The following GPC5 variants were observed in gnomAD, a reference collection of about 807,000 sequenced individuals.
The protein encoded by GPC5 is glypican-5.
In GPC5, 47 loss-of-function variants were observed where a neutral mutation model predicts 53.9. That is an observed-to-expected ratio of 0.87 (90% CI 0.69 to 1.11). The LOEUF (loss-of-function observed/expected upper bound fraction) is 1.11. GPC5 is among the 50% of genes most tolerant of loss of function. The probability of loss-of-function intolerance (pLI) is 0.00; values close to 1 mark genes in which losing one functional copy is unlikely to be tolerated. For missense variants in GPC5, 748 were observed against 713.1 expected, an observed-to-expected ratio of 1.05 and a Z score of -0.56; for synonymous variants, 286 against 263.3, an observed-to-expected ratio of 1.09 and a Z score of -0.84.
chr13:92,760,323 CAAG>C (rs1875110888), intron 7 of GPC5, among the ~76,000 whole-genome samples: 1 of 152,012 alleles, frequency 6.6e-6, no homozygotes, highest in African/African-American at 2.4e-5. Flanking sequence ...GTGCTTTTAT[CAAG>C]AAGTTTTTAA....
intron 2 of GPC5, among the ~76,000 whole-genome samples, chr13:91,525,024 C>T (rs1368144041): frequency 6.6e-6 from 1 of 152,144 alleles, no homozygotes; most frequent in African/African-American, 2.4e-5. Context: ...GTTCCTGTAG[C>T]ACAGTACGTT....
At chr13:91,687,627 G>A (rs1445696434) in intron 2 of GPC5, among the ~76,000 whole-genome samples, 6 of 151,718 alleles carry the variant, frequency 4.0e-5, no homozygotes. Flanking sequence ...CCTTTAATTC[G>A]ATCTACCACT....
intron 6 of GPC5, among the ~76,000 whole-genome samples, chr13:92,002,491 G>A (rs2040564282): frequency 6.6e-6 from 1 of 152,176 alleles, no homozygotes. Flanking sequence ...GCCATTGTGA[G>A]ATGATAAGCA....
chr13:91,874,633 T>C (rs1377278639), intron 5 of GPC5, among the ~76,000 whole-genome samples: 1 of 152,170 alleles, frequency 6.6e-6, no homozygotes, highest in African/African-American at 2.4e-5. Context: ...TTGATAATGG[T>C]GTGTATCTTA....
intron 7 of GPC5, among the ~76,000 whole-genome samples, chr13:92,323,577 G>T (rs1594100359): frequency 6.6e-6 from 1 of 151,490 alleles, no homozygotes. Context: ...CTCCTCAAAA[G>T]AACAATTTAT....
chr13:91,697,503 A>C (rs1443678926), intron 3 of GPC5, among the ~76,000 whole-genome samples: 1 of 141,680 alleles, frequency 7.1e-6, no homozygotes, highest in South Asian at 2.3e-4. Flanking sequence ...AGAGCTCAAA[A>C]AATATTTTAA....
At chr13:91,881,773 C>T (rs140843550) in intron 5 of GPC5, among the ~76,000 whole-genome samples, 1 of 152,272 alleles carries the variant, frequency 6.6e-6, no homozygotes, top group East Asian at 1.9e-4. Flanking sequence ...TCTAAGGTAG[C>T]CCCTATGACC....
chr13:91,550,952 T>A (rs557815663), intron 2 of GPC5, among the ~76,000 whole-genome samples: 1 of 152,152 alleles, frequency 6.6e-6, no homozygotes, highest in Non-Finnish European at 1.5e-5. Context: ...TTCCCAGCCA[T>A]GTGGAATTGT....
At chr13:91,560,341 A>G (rs1393095327) in intron 2 of GPC5, among the ~76,000 whole-genome samples, 1 of 152,072 alleles carries the variant, frequency 6.6e-6, no homozygotes. Flanking sequence ...ATGGGTCTGG[A>G]TCTCAGATCT....
At chr13:92,023,558 T>A (rs1332360657) in intron 6 of GPC5, among the ~76,000 whole-genome samples, 1 of 151,910 alleles carries the variant, frequency 6.6e-6, no homozygotes, top group Non-Finnish European at 1.5e-5. Flanking sequence ...CATTTTATTA[T>A]GATTTTGGAG....
rs200185334 is a variant in GPC5 at position 91,693,854 on chromosome 13, C to G, written c.993C>G (p.His331Gln). Reference sequence around the variant, plus strand: ...TTAATGATGCTGTGTTACAGGCTCACCTCAATGGACAAAAATTATTGGAAC... The same window carrying G: ...TTAATGATGCTGTGTTACAGGCTCAGCTCAATGGACAAAAATTATTGGAAC... ...LLVNDAVLQA[H>Q]LNGQKLLEQV... is the part of the protein sequence containing the mutation. The change falls in exon 3 of 8, where the codon CAC becomes CAG. Residue 331 changes from histidine (H) to glutamine (Q), a missense_variant. Coordinates refer to ENST00000377067, the MANE Select transcript of GPC5 (RefSeq NM_004466.6). 4 of 1,598,748 alleles carry G rather than the reference C, an allele frequency of 2.5e-6. No homozygotes were observed. Among genetic ancestry groups the G allele is most frequent in the Non-Finnish European group, 2.6e-6 (3 of 1,171,926 alleles).
At chr13:92,589,296 T>C (rs545241953) in intron 7 of GPC5, among the ~76,000 whole-genome samples, 2 of 152,262 alleles carry the variant, frequency 1.3e-5, no homozygotes, top group South Asian at 4.2e-4. Flanking sequence ...GAAGATTGAG[T>C]TGAAACCTTG....
intron 7 of GPC5, among the ~76,000 whole-genome samples, chr13:92,324,559 T>C (rs2043237461): frequency 6.6e-6 from 1 of 151,878 alleles, no homozygotes; most frequent in Admixed American, 6.6e-5. Context: ...TTAATAACGA[T>C]AAAATACTTT....
chr13:91,403,885 CTA>C (rs1435663206), intron 1 of GPC5, among the ~76,000 whole-genome samples: 1 of 151,484 alleles, frequency 6.6e-6, no homozygotes, highest in Non-Finnish European at 1.5e-5. Flanking sequence ...TTAATTATAA[CTA>C]TTGCTGTCAA....
rs187448073 is a variant in GPC5 at position 91,562,418 on chromosome 13, T to C, written c.325+113496T>C. ...AAAAGAAATCATACACTGAATGTAT[T>C]GTCTAGCTAGCATATGTTCTATGAT... On this transcript the variant is annotated intron_variant, in intron 2 of 7. Transcript: ENST00000377067. Among the ~76,000 whole-genome samples, 402 of 152,100 alleles carry C rather than the reference T, an allele frequency of 2.6e-3. 3 individuals are homozygous for C. The highest frequency in any genetic ancestry group is 4.4e-3 in the Non-Finnish European group (300 of 67,966).
chr13:92,775,811 C>A (rs1033916855), intron 7 of GPC5, among the ~76,000 whole-genome samples: 1 of 152,190 alleles, frequency 6.6e-6, no homozygotes, highest in Admixed American at 6.6e-5. Context: ...TCATTGACAA[C>A]GGTCTTAAAT....
intron 7 of GPC5, among the ~76,000 whole-genome samples, chr13:92,158,614 C>A (rs571676492): frequency 1.3e-5 from 2 of 152,156 alleles, no homozygotes; most frequent in East Asian, 3.9e-4. Context: ...TTAATAAGAC[C>A]CATTGCCTTT....
At position 92,500,713 on chromosome 13, in the gene GPC5, C is replaced by T. The variant is rs554789769; in HGVS notation, c.1561+355724C>T. Among the ~76,000 whole-genome samples the T allele has an allele frequency of 3.3e-5, 5 of 152,282 alleles. No homozygotes were observed. The South Asian group carries it at 8.3e-4, about 25-fold the overall frequency. On this transcript the variant is annotated intron_variant, in intron 7 of 7. Coordinates refer to ENST00000377067, the MANE Select transcript of GPC5 (RefSeq NM_004466.6). ...CAGCTATCCAAGGAAGAGGCATCAT[C>T]CTCCTTGATTTAAGTAGCTGTGGCC...
chr13:92,123,191 G>C (rs569337711), intron 6 of GPC5, among the ~76,000 whole-genome samples: 1 of 152,004 alleles, frequency 6.6e-6, no homozygotes, highest in South Asian at 2.1e-4. Flanking sequence ...GATCACCTGA[G>C]GTCAGGAGTT....
Sources: gnomAD v4.1 joint callset for allele counts (sites outside exome capture counted in the v4.1 genomes callset) on GRCh38, gnomAD v4.1.1 for gene constraint, MANE v1.5 for transcripts, NCBI Gene and HGNC (gene_info 2026-07-23, HGNC 2026-07-21) for gene names.